The following SPATA13 variants were observed in gnomAD, a reference collection of about 807,000 sequenced individuals.
SPATA13 encodes the protein spermatogenesis-associated protein 13.
A neutral mutation model predicts 104.0 loss-of-function variants in SPATA13; 50 were observed. The observed-to-expected ratio is 0.48, with a 90% CI of 0.38 to 0.61. The LOEUF is 0.61. Among genes scored for constraint, SPATA13 ranks in the 20% least tolerant of loss-of-function variants. The pLI, the probability that SPATA13 is intolerant of heterozygous loss-of-function variation, is 0.00. For synonymous variants in SPATA13, 606 were observed against 667.5 expected (o/e 0.91, Z 1.42); for missense variants, 1,524 against 1,690.6 (o/e 0.90, Z 1.73).
At position 24,136,923 on chromosome 13, in the gene SPATA13, A is replaced by G. The variant is rs549697278; in HGVS notation, c.-111-85896A>G. ...CGGCTCACTGCAAGCTCCGCCTCCC[A>G]GGTTCACGCCATTCTCCTGCCTCAG... is the stretch of plus-strand genomic sequence containing the variant. On this transcript the variant is annotated intron_variant, in intron 3 of 14. Coordinates refer to the SPATA13 transcript ENST00000424834. Among the ~76,000 whole-genome samples the G allele has an allele frequency of 2.2e-4, 23 of 104,178 alleles. 6 individuals carry two copies. The South Asian group carries it at 2.9e-3, about 13-fold the overall frequency. The allele number at this position is 104,178 out of a possible 152,430, so 68.3% of individuals were successfully genotyped here.
intron 1 of SPATA13, among the ~76,000 whole-genome samples, chr13:24,193,020 G>A (rs1169677206): frequency 6.6e-6 from 1 of 152,190 alleles, no homozygotes; most frequent in Non-Finnish European, 1.5e-5. Context: ...GAAGTTGAAA[G>A]TCAAGGTGTG....
At position 24,107,730 on chromosome 13, in the gene SPATA13, G is replaced by A. The variant is rs1273709454; in HGVS notation, c.-112+90029G>A. 2.6e-5 allele frequency among the ~76,000 whole-genome samples: 4 copies of A among 152,176 alleles called. No individual in the cohort carries two copies. In the East Asian group the frequency reaches 7.7e-4, roughly 29 times the overall value. On this transcript the variant is annotated intron_variant, in intron 3 of 14. Transcript: ENST00000424834. ...TAGACTTGGTAAGAAAGAAATGGGA[G>A]TTCCCAGATCCCAGAGCAGCCTCTT...
intron 2 of SPATA13, among the ~76,000 whole-genome samples, chr13:24,002,417 G>A (rs568860873): frequency 1.2e-4 from 19 of 152,238 alleles, no homozygotes; most frequent in African/African-American, 2.9e-4. Flanking sequence ...TGTCACAGTC[G>A]CTCTGCATTC....
chr13:24,059,189 T>C lies in SPATA13; in HGVS notation c.-112+41488T>C, dbSNP rs577932549. Among the ~76,000 whole-genome samples the C allele has an allele frequency of 1.3e-5, 2 of 151,780 alleles. 1 individual carries two copies. The highest frequency in any genetic ancestry group is 4.2e-4 in the South Asian group (2 of 4,768). ...GGTTTCACCGTGTTAGCCAGGATGG[T>C]CTCGATCTCCTGACCTCGTAATCCA... On this transcript the variant is annotated intron_variant, in intron 3 of 14. Transcript: ENST00000424834.
intron 2 of SPATA13, among the ~76,000 whole-genome samples, chr13:24,230,636 C>T (rs766618101): frequency 1.3e-5 from 2 of 152,158 alleles, no homozygotes; most frequent in African/African-American, 4.8e-5. Flanking sequence ...CACATAGGAT[C>T]GTTGTGCAGA....
chr13:24,189,085 G>A (rs1429031668), intron 1 of SPATA13, among the ~76,000 whole-genome samples: 1 of 152,146 alleles, frequency 6.6e-6, no homozygotes, highest in African/African-American at 2.4e-5. Flanking sequence ...AGTACAACGA[G>A]ATGAATATTG....
chr13:24,021,936 C>T (rs551713126), intron 3 of SPATA13, among the ~76,000 whole-genome samples: 2 of 152,168 alleles, frequency 1.3e-5, no homozygotes, highest in South Asian at 4.2e-4. Flanking sequence ...TGGTCTCGAT[C>T]TCCTGACCTC....
intron 3 of SPATA13, among the ~76,000 whole-genome samples, chr13:24,063,208 G>C (rs567512905): frequency 6.6e-6 from 1 of 152,100 alleles, no homozygotes; most frequent in Non-Finnish European, 1.5e-5. Flanking sequence ...GGTTTTATTC[G>C]CGTCTGCCTC....
At chr13:24,013,218 T>C (rs1876557373) in intron 2 of SPATA13, among the ~76,000 whole-genome samples, 1 of 152,200 alleles carries the variant, frequency 6.6e-6, no homozygotes, top group Admixed American at 6.5e-5. Flanking sequence ...TTTCATGCTC[T>C]TTCTCCCAAG....
At chr13:24,045,518 T>G (rs914888514) in intron 3 of SPATA13, among the ~76,000 whole-genome samples, 1 of 152,214 alleles carries the variant, frequency 6.6e-6, no homozygotes, top group Non-Finnish European at 1.5e-5. Flanking sequence ...AATACACGTT[T>G]TTTAAATTGT....
intron 3 of SPATA13, among the ~76,000 whole-genome samples, chr13:24,067,511 A>G (rs148495795): frequency 6.6e-6 from 1 of 152,226 alleles, no homozygotes; most frequent in South Asian, 2.1e-4. Flanking sequence ...AGTAGATTCA[A>G]GAAAGTTATA....
intron 2 of SPATA13, among the ~76,000 whole-genome samples, chr13:23,990,715 A>G (rs1186813989): frequency 6.6e-6 from 1 of 152,228 alleles, no homozygotes; most frequent in Non-Finnish European, 1.5e-5. Flanking sequence ...ATGCCCAGGG[A>G]GCAGGATCAC....
At chr13:24,293,725 G>A (rs1217570452) in intron 9 of SPATA13, among the ~76,000 whole-genome samples, 1 of 152,234 alleles carries the variant, frequency 6.6e-6, no homozygotes, top group Non-Finnish European at 1.5e-5. Context: ...AGTCCCTGGT[G>A]TCATTCTTGC....
intron 1 of SPATA13, among the ~76,000 whole-genome samples, chr13:24,210,597 A>G (rs1488691594): frequency 1.3e-5 from 2 of 151,782 alleles, no homozygotes; most frequent in South Asian, 2.1e-4. Context: ...TTCATATTCT[A>G]TTCTGTTGGT....
chr13:24,177,250 A>G (rs1028674042), intron 1 of SPATA13, among the ~76,000 whole-genome samples: 5 of 152,238 alleles, frequency 3.3e-5, no homozygotes, highest in East Asian at 1.9e-4. Flanking sequence ...GATATGTGAA[A>G]AAAAGAGATC....
intron 3 of SPATA13, among the ~76,000 whole-genome samples, chr13:24,114,509 C>T (rs1420040708): frequency 6.6e-6 from 1 of 152,174 alleles, no homozygotes; most frequent in East Asian, 1.9e-4. Flanking sequence ...CACTGTTTCT[C>T]TTGGCATCTC....
At chr13:24,159,713 T>C (rs1882387906), upstream of SPATA13, among the ~76,000 whole-genome samples, 1 of 152,236 alleles carries the variant, frequency 6.6e-6, no homozygotes, top group South Asian at 2.1e-4. Flanking sequence ...TTCAATATTT[T>C]AAAAAACATA....
At chr13:24,219,984 G>A (rs749973152) in intron 1 of SPATA13, among the ~76,000 whole-genome samples, 1 of 152,052 alleles carries the variant, frequency 6.6e-6, no homozygotes, top group Non-Finnish European at 1.5e-5. Context: ...CAGACACCTG[G>A]TCCCCCAAAT....
At chr13:24,035,590 A>G (rs773551235) in intron 3 of SPATA13, among the ~76,000 whole-genome samples, 1 of 152,250 alleles carries the variant, frequency 6.6e-6, no homozygotes. Flanking sequence ...AGAAAATAAG[A>G]AACAAACATG....
Sources: allele counts gnomAD v4.1 joint callset (sites outside exome capture counted in the v4.1 genomes callset), GRCh38; gene constraint gnomAD v4.1.1; transcripts MANE v1.5; gene names NCBI Gene and HGNC (gene_info 2026-07-23, HGNC 2026-07-21).